Variants in CELF2 observed in about 807,000 individuals in gnomAD.
The protein encoded by CELF2 is CUGBP Elav-like family member 2.
A neutral mutation model predicts 62.6 loss-of-function variants in CELF2; 8 were observed. The observed-to-expected ratio is 0.13, with a 90% CI of 0.07 to 0.23. The LOEUF (loss-of-function observed/expected upper bound fraction) is 0.23. Ranked by LOEUF, CELF2 falls within the 10% of genes least tolerant of loss-of-function variation. The probability of loss-of-function intolerance (pLI) is 1.00; values close to 1 mark genes in which losing one functional copy is unlikely to be tolerated. For missense variants in CELF2, 333 were observed against 671.0 expected, an observed-to-expected ratio of 0.50 and a Z score of 5.56; for synonymous variants, 258 against 250.0, an observed-to-expected ratio of 1.03 and a Z score of -0.30.
chr10:10,735,314 C>T, the CELF2 span, among the ~76,000 whole-genome samples: 1 of 152,170 alleles, frequency 6.6e-6, no homozygotes, highest in Non-Finnish European at 1.5e-5. Flanking sequence ...TTCTGCATTT[C>T]ACTTTACAGT....
intron 7 of CELF2, among the ~76,000 whole-genome samples, chr10:11,273,693 C>T (rs1297220419): frequency 2.0e-5 from 3 of 151,932 alleles, no homozygotes; most frequent in Non-Finnish European, 2.9e-5. Flanking sequence ...TTCACGAGCC[C>T]CAAATAAATT....
intron 11 of CELF2, among the ~76,000 whole-genome samples, chr10:11,323,894 A>AT (rs2095585847): frequency 1.3e-5 from 2 of 151,608 alleles, no homozygotes; most frequent in South Asian, 4.2e-4. Context: ...CCTTAGTTGC[A>AT]TACAAGGGAG....
chr10:11,077,573 A>T (rs1051520272), intron 1 of CELF2, among the ~76,000 whole-genome samples: 19 of 152,108 alleles, frequency 1.2e-4, no homozygotes, highest in Non-Finnish European at 2.9e-5. Context: ...AATGATGCAA[A>T]TCCTCTGAGC....
At chr10:11,131,226 G>C (rs1157522478) in intron 1 of CELF2, among the ~76,000 whole-genome samples, 1 of 152,246 alleles carries the variant, frequency 6.6e-6, no homozygotes, top group African/African-American at 2.4e-5. Context: ...CAAGATGACA[G>C]TGGCCTTAAG....
At chr10:10,465,906 AC>A in the CELF2 span, among the ~76,000 whole-genome samples, 2 of 152,054 alleles carry the variant, frequency 1.3e-5, no homozygotes, top group Non-Finnish European at 2.9e-5. Flanking sequence ...ATGATTTTAT[AC>A]CTTCTGTTTT....
At chr10:10,698,723 C>T in the CELF2 span, among the ~76,000 whole-genome samples, 3 of 152,108 alleles carry the variant, frequency 2.0e-5, no homozygotes, top group Non-Finnish European at 4.4e-5. Context: ...TAGCGGTCAT[C>T]GATTTGTTAT....
At chr10:10,599,702 C>T in the CELF2 span, among the ~76,000 whole-genome samples, 12 of 149,120 alleles carry the variant, frequency 8.0e-5, no homozygotes, top group African/African-American at 2.7e-4. Flanking sequence ...TTTATTGTTT[C>T]GTCTCTGCCC....
intron 1 of CELF2, among the ~76,000 whole-genome samples, chr10:10,842,212 A>C (rs889898415): frequency 6.6e-6 from 1 of 152,028 alleles, no homozygotes; most frequent in Non-Finnish European, 1.5e-5. Context: ...TTATTTCTAC[A>C]TTGCCAATTA....
chr10:11,058,070 GAA>G (rs34621194), intron 1 of CELF2, among the ~76,000 whole-genome samples: 1 of 126,766 alleles, frequency 7.9e-6, no homozygotes, highest in African/African-American at 2.9e-5. Flanking sequence ...ATCTGAAGAG[GAA>G]AAAAAAAAAA....
intron 1 of CELF2, among the ~76,000 whole-genome samples, chr10:11,142,423 G>A (rs976663371): frequency 6.6e-6 from 1 of 152,102 alleles, no homozygotes; most frequent in Non-Finnish European, 1.5e-5. Flanking sequence ...GGTGGCTCAC[G>A]CCTGTAATCC....
At chr10:10,773,506 T>C in the CELF2 span, among the ~76,000 whole-genome samples, 13 of 152,344 alleles carry the variant, frequency 8.5e-5, no homozygotes, top group African/African-American at 2.6e-4. Context: ...AAGTTTAGCA[T>C]GTTGTATGGG....
chr10:10,951,362 C>A (rs2048301515), intron 2 of CELF2, among the ~76,000 whole-genome samples: 2 of 152,184 alleles, frequency 1.3e-5, no homozygotes, highest in African/African-American at 4.8e-5. Flanking sequence ...GTCTTGAACT[C>A]CTGGGCTCAA....
intron 1 of CELF2, among the ~76,000 whole-genome samples, chr10:11,062,739 A>T (rs941654196): frequency 6.6e-6 from 1 of 152,230 alleles, no homozygotes; most frequent in Admixed American, 6.5e-5. Context: ...ATGACAAAGG[A>T]TTCATAATAT....
rs1274617249 is a variant in CELF2 at position 11,220,469 on chromosome 10, T to C, written c.354+2962T>C. Among the ~76,000 whole-genome samples the C allele has an allele frequency of 2.0e-5, 3 of 152,202 alleles. No individual in the cohort carries two copies. The highest frequency in any genetic ancestry group is 1.9e-4 in the East Asian group (1 of 5,206). On this transcript the variant is annotated intron_variant, in intron 3 of 12. Transcript: ENST00000633077. The surrounding 1 kb of genome is among the most constrained non-coding windows in gnomAD (Gnocchi z 4.4). Reference sequence around the variant, plus strand: ...GATTTTGATTTAAAGGCACCCTCCTTTACATGTCAGGAATGAATTTTAGAA... The same window carrying C: ...GATTTTGATTTAAAGGCACCCTCCTCTACATGTCAGGAATGAATTTTAGAA...
rs1209338994 is a variant in CELF2, at chr10:11,157,150, G to T, written c.75-8336G>T. ...TGGGGGATGAGGCTGTGTCCCCTGT[G>T]CAAAGTCACCCATGCACATGACTGC... On this transcript the variant is annotated intron_variant, in intron 1 of 12. Transcript: ENST00000633077. This position sits in a 1 kb window ranked among gnomAD's most constrained non-coding sequence, Gnocchi z 4.9. Among the ~76,000 whole-genome samples the T allele has an allele frequency of 6.6e-6, 1 of 152,132 alleles. No homozygotes were observed. The highest frequency in any genetic ancestry group is 1.5e-5 in the Non-Finnish European group (1 of 68,026).
At chr10:10,519,645 T>C in the CELF2 span, among the ~76,000 whole-genome samples, 2 of 152,162 alleles carry the variant, frequency 1.3e-5, no homozygotes, top group African/African-American at 2.4e-5. Context: ...CAATTTCGGG[T>C]TGTTGTGTTT....
At chr10:10,648,612 A>G in the CELF2 span, among the ~76,000 whole-genome samples, 2 of 152,168 alleles carry the variant, frequency 1.3e-5, no homozygotes, top group African/African-American at 4.8e-5. Flanking sequence ...TCTCGGCTCT[A>G]TGTCATGATA....
At chr10:11,138,593 C>T (rs1189280509) in intron 1 of CELF2, among the ~76,000 whole-genome samples, 1 of 152,170 alleles carries the variant, frequency 6.6e-6, no homozygotes, top group Non-Finnish European at 1.5e-5. Flanking sequence ...TATCATCGAA[C>T]AGTAAAAAGA....
the CELF2 span, among the ~76,000 whole-genome samples, chr10:10,535,289 G>A: frequency 3.3e-5 from 5 of 152,222 alleles, no homozygotes; most frequent in African/African-American, 7.2e-5. Context: ...AAGTCAGAAC[G>A]TGTAGTATCA....
Sources: allele counts gnomAD v4.1 joint callset (sites outside exome capture counted in the v4.1 genomes callset), GRCh38; gene constraint gnomAD v4.1.1; non-coding constraint Gnocchi (gnomAD v3.1); transcripts MANE v1.5; gene names NCBI Gene and HGNC (gene_info 2026-07-23, HGNC 2026-07-21).